The following LGMN variants were observed in gnomAD, a reference collection of about 807,000 sequenced individuals.
LGMN encodes the protein asparaginyl endopeptidase.
LGMN carries 36 observed loss-of-function variants against 56.8 expected under a neutral mutation model. That is an observed-to-expected ratio of 0.63 (90% CI 0.49 to 0.84). The LOEUF is 0.84. LGMN is among the 40% of genes least tolerant of loss of function. LGMN has a pLI of 0.00. For missense variants in LGMN, 446 were observed against 556.1 expected (o/e 0.80, Z 1.99); for synonymous variants, 199 against 210.1 (o/e 0.95, Z 0.46).
chr14:92,726,237 CAAA>C (rs371855377), intron 2 of LGMN, among the ~76,000 whole-genome samples: 1 of 117,956 alleles, frequency 8.5e-6, no homozygotes, highest in African/African-American at 3.2e-5. Context: ...GGCTCTGTCT[CAAA>C]AAAAAAAAAA....
intron 1 of LGMN, among the ~76,000 whole-genome samples, chr14:92,742,292 C>CTTTTTTTTT (rs756259014): frequency 1.2e-5 from 1 of 84,014 alleles, no homozygotes. Context: ...TTTTGTTTTG[C>CTTTTTTTTT]TTTTTTTTTT....
At chr14:92,742,157 C>A (rs1175089468) in intron 1 of LGMN, among the ~76,000 whole-genome samples, 1 of 120,100 alleles carries the variant, frequency 8.3e-6, no homozygotes, top group Non-Finnish European at 2.0e-5. Context: ...ATTCCACTAA[C>A]CCCCCCTCAC....
rs773611403 is a variant in LGMN at position 92,732,607 on chromosome 14, T to C, written c.138+42A>G. On this transcript the variant is annotated intron_variant, in intron 2 of 13. Transcript: ENST00000334869. The stretch of plus-strand genomic sequence containing the variant: ...ACAGTGTCTGGAATTGTTTTCAGAA[T>C]GCCAGTGTCCTTAACAAAAAAAAGA... 1.2e-5 allele frequency: 20 copies of C among 1,602,406 alleles called. No homozygotes were observed. In the South Asian group the frequency reaches 2.2e-4, roughly 18 times the overall value.
intron 1 of LGMN, among the ~76,000 whole-genome samples, chr14:92,746,807 G>T (rs757634915): frequency 6.6e-6 from 1 of 151,612 alleles, no homozygotes; most frequent in Non-Finnish European, 1.5e-5. Context: ...GAGGCCGAGG[G>T]GGGTGGATCA....
Position 92,721,740 on chromosome 14 carries a change from A to G in LGMN, c.139-2896T>C, listed in dbSNP as rs573437100. Among the ~76,000 whole-genome samples the G allele has an allele frequency of 2.1e-4, 32 of 152,324 alleles. No homozygotes were observed. The Middle Eastern group carries it at 0.01, about 49-fold the overall frequency. ...CAAAAGCCAAGAAATAACTCCAATCATAGTCAACAGCTGGAAAAATAAATT... is the reference window on the plus strand; with the variant it reads ...CAAAAGCCAAGAAATAACTCCAATCGTAGTCAACAGCTGGAAAAATAAATT... On this transcript the variant is annotated intron_variant, in intron 2 of 13. Coordinates refer to ENST00000334869, the MANE Select transcript of LGMN (RefSeq NM_005606.7).
intron 2 of LGMN, among the ~76,000 whole-genome samples, chr14:92,719,183 TCACCAC>T (rs1566923739): frequency 4.5e-5 from 1 of 22,068 alleles, no homozygotes; most frequent in African/African-American, 1.9e-4. Context: ...ACCACCACCA[TCACCAC>T]CACCGCCACC....
chr14:92,713,821 A>G lies in LGMN; in HGVS notation c.543+2T>C. Reference sequence around the variant, plus strand: ...ACAAGGCTGCCCCAAGGGCTGAATTACCTTTCGGTACATTTTGTGTTTGTA... The same window carrying G: ...ACAAGGCTGCCCCAAGGGCTGAATTGCCTTTCGGTACATTTTGTGTTTGTA... On this transcript the variant is annotated splice_donor_variant, in intron 7 of 13. Transcript: ENST00000334869. LOFTEE classifies it high-confidence loss of function. The G allele has an allele frequency of 1.2e-6, 2 of 1,610,704 alleles. No individual in the cohort carries two copies. The highest frequency in any genetic ancestry group is 1.7e-6 in the Non-Finnish European group (2 of 1,176,914).
rs537234278 is a variant in LGMN, at chr14:92,713,984, T to C, written c.481-99A>G. On this transcript the variant is annotated intron_variant, in intron 6 of 13. Coordinates refer to ENST00000334869, the MANE Select transcript of LGMN (RefSeq NM_005606.7). ...TGATGATCCTTCATAAACTCTTTTC[T>C]ACCAATCCCTAGAAGTAATCATGGT... is the stretch of plus-strand genomic sequence containing the variant. 2,337 of 883,746 alleles carry C rather than the reference T, an allele frequency of 2.6e-3. 6 individuals carry two copies. The highest frequency in any genetic ancestry group is 3.8e-3 in the Non-Finnish European group (1,976 of 520,172). The allele number at this position is 883,746 out of a possible 1,614,324, so 54.7% of individuals were successfully genotyped here. A position where few individuals can be genotyped will look rare whatever the true frequency, so the allele number is the denominator to read the frequency against.
chr14:92,731,614 ATG>A (rs1237948744), intron 2 of LGMN, among the ~76,000 whole-genome samples: 3 of 152,266 alleles, frequency 2.0e-5, no homozygotes, highest in African/African-American at 7.2e-5. Context: ...ATGTTGAAGC[ATG>A]TGTGAGTACT....
At chr14:92,743,138 G>A (rs1891643740) in intron 1 of LGMN, 1 of 152,008 alleles carries the variant, frequency 6.6e-6, no homozygotes, top group South Asian at 2.1e-4. Flanking sequence ...TGTGAAATGA[G>A]ATGGTAGAGC....
intron 12 of LGMN, 154 bp from the exon 13 acceptor site, chr14:92,704,861 A>G: frequency 4.6e-6 from 3 of 645,770 alleles, no homozygotes; most frequent in Non-Finnish European, 5.8e-6. Flanking sequence ...ATCTGGTGAT[A>G]TTTATGGACG....
intron 1 of LGMN, chr14:92,733,873 A>T (rs1291779952): frequency 6.6e-6 from 1 of 152,340 alleles, no homozygotes. Context: ...AATAAAATAA[A>T]CTACACAGAA....
At chr14:92,741,651 A>G (rs1178283705) in intron 1 of LGMN, 2 of 152,156 alleles carry the variant, frequency 1.3e-5, no homozygotes, top group African/African-American at 2.4e-5. Flanking sequence ...GGAGTTTGAA[A>G]CCAGCCTGGC....
intron 2 of LGMN, among the ~76,000 whole-genome samples, chr14:92,730,110 T>G (rs1890972721): frequency 6.6e-6 from 1 of 152,244 alleles, no homozygotes; most frequent in African/African-American, 2.4e-5. Flanking sequence ...GTAATCGTGT[T>G]AACTCTCTGT....
At position 92,714,600 on chromosome 14, in the gene LGMN, G is replaced by C; in HGVS notation, c.405-149C>G. The C allele has an allele frequency of 4.8e-6, 3 of 625,710 alleles. No individual in the cohort carries two copies. In the South Asian group the frequency reaches 5.9e-5, roughly 12 times the overall value. The allele number at this position is 625,710 out of a possible 1,614,324, so 38.8% of individuals were successfully genotyped here. A position where few individuals can be genotyped will look rare whatever the true frequency, so the allele number is the denominator to read the frequency against. ...AGATGAACACAAGGGCCCGGTGCCC[G>C]GTGTCTGGCCTGTCCCCTCCACTCC... On this transcript the variant is annotated intron_variant, in intron 5 of 13. Coordinates refer to ENST00000334869, the MANE Select transcript of LGMN (RefSeq NM_005606.7). The surrounding 1 kb of genome is among the most constrained non-coding windows in gnomAD (Gnocchi z 5.1).
intron 2 of LGMN, among the ~76,000 whole-genome samples, chr14:92,729,458 T>C (rs1231262654): frequency 1.1e-3 from 69 of 61,482 alleles, no homozygotes; most frequent in African/African-American, 1.7e-3. Context: ...CCACATCACC[T>C]CAGATCACGC....
intron 2 of LGMN, among the ~76,000 whole-genome samples, chr14:92,727,338 G>A (rs972621010): frequency 3.4e-5 from 5 of 147,762 alleles, no homozygotes; most frequent in Non-Finnish European, 4.4e-5. Context: ...GCTGAGGCAC[G>A]AGAATTGATT....
At position 92,711,972 on chromosome 14, in the gene LGMN, A is replaced by G. The variant is rs867051038; in HGVS notation, c.611-17T>C. 3.8e-6 allele frequency: 6 copies of G among 1,561,444 alleles called. No individual in the cohort carries two copies. The highest frequency in any genetic ancestry group is 1.7e-4 in the Middle Eastern group (1 of 5,962). Reference sequence around the variant, plus strand: ...TTGCATAAACTACGAGGAATTAAAGATGATCTTTTAGTTGCATTTTATTCC... The same window carrying G: ...TTGCATAAACTACGAGGAATTAAAGGTGATCTTTTAGTTGCATTTTATTCC... On this transcript the variant is annotated splice_polypyrimidine_tract_variant and intron_variant, in intron 8 of 13. Transcript: ENST00000334869.
intron 10 of LGMN, among the ~76,000 whole-genome samples, chr14:92,710,966 C>T (rs1460086063): frequency 6.6e-6 from 1 of 152,166 alleles, no homozygotes; most frequent in African/African-American, 2.4e-5. Flanking sequence ...CGTTTGTGCC[C>T]AAGGAACAGA....
Sources: gnomAD v4.1 joint callset for allele counts (sites outside exome capture counted in the v4.1 genomes callset) on GRCh38, gnomAD v4.1.1 for gene constraint, Gnocchi (gnomAD v3.1) non-coding constraint, MANE v1.5 for transcripts, NCBI Gene and HGNC (gene_info 2026-07-23, HGNC 2026-07-21) for gene names.